Variants in ELAVL4 observed in about 807,000 individuals in gnomAD.
ELAVL4 encodes the protein ELAV like RNA binding protein 4, also known as ELAV-like protein 4.
A neutral mutation model predicts 35.6 loss-of-function variants in ELAVL4; 1 was observed. That is an observed-to-expected ratio of 0.03 (90% CI 0.01 to 0.13). ELAVL4 has a LOEUF of 0.13. Ranked by LOEUF, ELAVL4 falls within the 10% of genes least tolerant of loss-of-function variation. ELAVL4 has a pLI of 1.00. For synonymous variants in ELAVL4, 156 were observed against 171.0 expected (o/e 0.91, Z 0.69); for missense variants, 267 against 464.9 (o/e 0.57, Z 3.91).
chr1:50,130,962 T>C (rs1179090526), intron 1 of ELAVL4, among the ~76,000 whole-genome samples: 1 of 152,202 alleles, frequency 6.6e-6, no homozygotes, highest in African/African-American at 2.4e-5. Flanking sequence ...TGATTCTGAA[T>C]ATGTGTTAAC....
At position 50,066,848 on chromosome 1, in the gene ELAVL4, A is replaced by C. The variant is rs12097878; in HGVS notation, c.18+18666A>C. On this transcript the variant is annotated intron_variant, in intron 1 of 6. Transcript: ENST00000448907. ...AATGCAGATGCCAAAGAGCTTAGGA[A>C]ATTTTCAGAGTTTTTATTTAGGGTT... Among the ~76,000 whole-genome samples, 358 of 152,286 alleles carry C rather than the reference A, an allele frequency of 2.4e-3. 5 individuals carry two copies. Among genetic ancestry groups the C allele is most frequent in the African/African-American group, 8.1e-3 (338 of 41,558 alleles).
chr1:50,167,280 GC>G (rs1323395405), intron 2 of ELAVL4, among the ~76,000 whole-genome samples: 2 of 152,206 alleles, frequency 1.3e-5, no homozygotes, highest in Non-Finnish European at 2.9e-5. Flanking sequence ...AATTCCATGA[GC>G]AAGAGCCCAC....
chr1:50,138,241 G>C (rs1479053622), intron 1 of ELAVL4, among the ~76,000 whole-genome samples: 1 of 152,106 alleles, frequency 6.6e-6, no homozygotes, highest in African/African-American at 2.4e-5. Context: ...CTACACAGAG[G>C]TGCTCCAAAA....
intron 1 of ELAVL4, among the ~76,000 whole-genome samples, chr1:50,115,826 C>T (rs1370050316): frequency 6.6e-6 from 1 of 152,106 alleles, no homozygotes; most frequent in East Asian, 1.9e-4. Context: ...ATGTGCATTT[C>T]TTTGGAACGT....
upstream of ELAVL4, among the ~76,000 whole-genome samples, chr1:50,101,030 T>A (rs932596862): frequency 1.5e-4 from 23 of 152,268 alleles, no homozygotes; most frequent in Admixed American, 7.2e-4. Context: ...GAAGTATTAT[T>A]GTGCCCATTT....
chr1:50,187,279 C>T (rs889333774), intron 3 of ELAVL4, among the ~76,000 whole-genome samples: 2 of 152,256 alleles, frequency 1.3e-5, no homozygotes, highest in African/African-American at 4.8e-5. Context: ...TTCATCTCTA[C>T]ACCCTTGGTG....
At chr1:50,149,357 T>C (rs899322978) in intron 2 of ELAVL4, among the ~76,000 whole-genome samples, 4 of 149,740 alleles carry the variant, frequency 2.7e-5, no homozygotes, top group Non-Finnish European at 4.4e-5. Context: ...GAGATTGCGC[T>C]CCAGCCTGGG....
chr1:50,176,697 C>T (rs1453263722), intron 2 of ELAVL4, among the ~76,000 whole-genome samples: 2 of 152,214 alleles, frequency 1.3e-5, no homozygotes, highest in African/African-American at 2.4e-5. Context: ...CTTACAAAGT[C>T]GCACAGCTGA....
chr1:50,152,958 T>A (rs1031881990), intron 2 of ELAVL4, among the ~76,000 whole-genome samples: 2 of 152,242 alleles, frequency 1.3e-5, no homozygotes, highest in African/African-American at 2.4e-5. Flanking sequence ...TTTCCTTCCC[T>A]TCTCTGAAAT....
intron 2 of ELAVL4, among the ~76,000 whole-genome samples, chr1:50,155,008 G>C (rs944363087): frequency 2.0e-5 from 3 of 151,908 alleles, no homozygotes; most frequent in African/African-American, 7.3e-5. Flanking sequence ...GGACCACCTA[G>C]TTTGAGTTTT....
intron 3 of ELAVL4, among the ~76,000 whole-genome samples, chr1:50,188,748 T>C (rs1371765398): frequency 6.6e-6 from 1 of 152,204 alleles, no homozygotes; most frequent in African/African-American, 2.4e-5. Flanking sequence ...CAGGCAGCAT[T>C]TGAGCCTCAC....
chr1:50,057,116 T>C (rs1463040383), intron 1 of ELAVL4, among the ~76,000 whole-genome samples: 2 of 152,060 alleles, frequency 1.3e-5, no homozygotes, highest in Non-Finnish European at 2.9e-5. Context: ...GACAGTGATA[T>C]TGGTGATTCT....
chr1:50,053,180 G>A (rs1663479847), intron 1 of ELAVL4, among the ~76,000 whole-genome samples: 4 of 152,176 alleles, frequency 2.6e-5, no homozygotes, highest in East Asian at 1.9e-4. Context: ...TTTCACCTAT[G>A]AGCAACAATT....
At chr1:50,090,277 C>A (rs1263914869) in intron 1 of ELAVL4, among the ~76,000 whole-genome samples, 2 of 152,080 alleles carry the variant, frequency 1.3e-5, no homozygotes, top group African/African-American at 4.8e-5. Flanking sequence ...TTGAAAAAAT[C>A]CCCACCTCTC....
rs1445400160 is a variant in ELAVL4 at position 50,053,480 on chromosome 1, C to T, written c.18+5298C>T. Among the ~76,000 whole-genome samples the T allele has an allele frequency of 4.6e-5, 7 of 152,294 alleles. No homozygotes were observed. In the South Asian group the frequency reaches 1.5e-3, roughly 32 times the overall value. On this transcript the variant is annotated intron_variant, in intron 1 of 6. Coordinates refer to the ELAVL4 transcript ENST00000448907. ...CCTTCAACCTCAGCCTCCTGAGTAGCTGGAACTACAGGTTCACGCCACCAA... is the reference window on the plus strand; with the variant it reads ...CCTTCAACCTCAGCCTCCTGAGTAGTTGGAACTACAGGTTCACGCCACCAA...
At chr1:50,088,848 A>G (rs1242900561) in intron 1 of ELAVL4, among the ~76,000 whole-genome samples, 1 of 152,154 alleles carries the variant, frequency 6.6e-6, no homozygotes, top group African/African-American at 2.4e-5. Flanking sequence ...TGTTCTCCAA[A>G]TACTAGACAG....
chr1:50,155,655 TG>T (rs1675604048), intron 2 of ELAVL4, among the ~76,000 whole-genome samples: 2 of 152,132 alleles, frequency 1.3e-5, no homozygotes, highest in South Asian at 4.1e-4. Flanking sequence ...GAAGTATTAC[TG>T]CTTTCTGAGT....
intron 2 of ELAVL4, among the ~76,000 whole-genome samples, chr1:50,150,505 G>C (rs894409605): frequency 6.6e-6 from 1 of 152,150 alleles, no homozygotes; most frequent in Non-Finnish European, 1.5e-5. Flanking sequence ...AATCCTGAGC[G>C]TGTCTCTCTC....
intron 1 of ELAVL4, among the ~76,000 whole-genome samples, chr1:50,141,447 A>T (rs1449200812): frequency 6.6e-6 from 1 of 152,108 alleles, no homozygotes; most frequent in East Asian, 1.9e-4. Context: ...AGTGCTTCTT[A>T]TGTTTGTTGC....
Sources: gnomAD v4.1 joint callset for allele counts (sites outside exome capture counted in the v4.1 genomes callset) on GRCh38, gnomAD v4.1.1 for gene constraint, MANE v1.5 for transcripts, NCBI Gene and HGNC (gene_info 2026-07-23, HGNC 2026-07-21) for gene names.